The following PAQR5 variants were observed in gnomAD, a reference collection of about 807,000 sequenced individuals.
PAQR5 encodes the protein membrane progestin receptor gamma.
A neutral mutation model predicts 34.5 loss-of-function variants in PAQR5; 20 were observed. The ratio of observed to expected loss-of-function variants is 0.58; its 90% confidence interval spans 0.41 to 0.84. The LOEUF (loss-of-function observed/expected upper bound fraction) is 0.84, where lower values mean the gene tolerates loss of function less well. Ranked by LOEUF, PAQR5 falls within the 40% of genes least tolerant of loss-of-function variation. The pLI is 0.00. For synonymous variants in PAQR5, 131 were observed against 155.6 expected, an observed-to-expected ratio of 0.84 and a Z score of 1.18; for missense variants, 378 against 412.7, an observed-to-expected ratio of 0.92 and a Z score of 0.73.
intron 6 of PAQR5, 156 bp from the exon 7 acceptor site, chr15:69,397,312 G>A: frequency 1.4e-6 from 1 of 711,054 alleles, no homozygotes; most frequent in East Asian, 2.6e-5. Flanking sequence ...GGGAGGAATG[G>A]ACGAGGCTGG....
intron 5 of PAQR5, 39 bp from the exon 6 acceptor site, chr15:69,389,615 G>A (rs1376202371): frequency 1.2e-6 from 2 of 1,613,052 alleles, no homozygotes; most frequent in South Asian, 1.1e-5. Flanking sequence ...GTGGTGCCAA[G>A]GCCTGGCTCC....
intron 1 of PAQR5, among the ~76,000 whole-genome samples, chr15:69,323,920 G>T (rs1264562919): frequency 6.6e-6 from 1 of 151,968 alleles, no homozygotes; most frequent in Non-Finnish European, 1.5e-5. Flanking sequence ...ACCGTTACCT[G>T]TCAGTTACCA....
chr15:69,380,203 A>G, intron 4 of PAQR5, 193 bp downstream of exon 4: 2 of 595,552 alleles, frequency 3.4e-6, no homozygotes, highest in Non-Finnish European at 5.9e-6. Flanking sequence ...ATGACCTTTA[A>G]GGCATGGACT....
At chr15:69,400,647 T>C (rs2056598533) in intron 8 of PAQR5, among the ~76,000 whole-genome samples, 1 of 152,124 alleles carries the variant, frequency 6.6e-6, no homozygotes, top group Non-Finnish European at 1.5e-5. Context: ...TGCACTGCAC[T>C]CTAGCCTGGG....
intron 6 of PAQR5, among the ~76,000 whole-genome samples, chr15:69,396,740 C>G (rs1442944258): frequency 6.6e-6 from 1 of 152,138 alleles, no homozygotes; most frequent in Non-Finnish European, 1.5e-5. Flanking sequence ...TTCCCCATAC[C>G]CTGAGCTGCT....
rs1219749119 is a variant in PAQR5 at position 69,385,987 on chromosome 15, C to T, written c.385+1105C>T. Among the ~76,000 whole-genome samples, 4 of 151,336 alleles carry T rather than the reference C, an allele frequency of 2.6e-5. No homozygotes were observed. Among genetic ancestry groups the T allele is most frequent in the Non-Finnish European group, 5.9e-5 (4 of 67,808 alleles). On this transcript the variant is annotated intron_variant, in intron 5 of 8. Coordinates refer to ENST00000395407, the MANE Select transcript of PAQR5 (RefSeq NM_017705.4). This position sits in a 1 kb window ranked among gnomAD's most constrained non-coding sequence, Gnocchi z 4.7. ...TCTCAAACACTACACACACACACCA[C>T]CCATACTGACACACACTACACTCAC...
chr15:69,382,742 A>G (rs1439603294), intron 4 of PAQR5: 3 of 142,096 alleles, frequency 2.1e-5, no homozygotes, highest in African/African-American at 8.0e-5. Flanking sequence ...GTGTATATAT[A>G]TATGTGTGTA....
intron 2 of PAQR5, among the ~76,000 whole-genome samples, chr15:69,351,104 T>G (rs764496345): frequency 2.0e-5 from 3 of 152,200 alleles, no homozygotes; most frequent in African/African-American, 7.2e-5. Context: ...AATCCCCACA[T>G]TGCTTCCCTA....
At chr15:69,399,861 T>C in intron 7 of PAQR5, 113 bp from the exon 8 acceptor site, 1 of 1,072,718 alleles carries the variant, frequency 9.3e-7, no homozygotes, top group Non-Finnish European at 1.4e-6. Context: ...GTATGTGTGC[T>C]AACATGTGTG....
intron 2 of PAQR5, among the ~76,000 whole-genome samples, chr15:69,347,579 G>C (rs528965353): frequency 3.9e-5 from 6 of 152,230 alleles, no homozygotes; most frequent in Non-Finnish European, 7.4e-5. Context: ...CTTTCTCCCT[G>C]GTGGCCATTA....
rs1235264927 is a variant in PAQR5, at chr15:69,378,436, CAAAAAAAAA to C, written c.52-1432_52-1424del. Among the ~76,000 whole-genome samples, 372 of 52,530 alleles carry C rather than the reference CAAAAAAAAA, an allele frequency of 7.1e-3. 2 individuals carry two copies. The highest frequency in any genetic ancestry group is 0.012 in the Admixed American group (39 of 3,246). 34.5% of individuals were successfully genotyped at this position (52,530 alleles called of 152,430 possible). A position where few individuals can be genotyped will look rare whatever the true frequency, so the allele number is the denominator to read the frequency against. Reference sequence around the variant, plus strand: ...TGGGCTTCAGATCAAGACCCTGTCTCAAAAAAAAAAAAAAAAAAAAAAAGAGAGAGAGAG... The same window carrying C: ...TGGGCTTCAGATCAAGACCCTGTCTCAAAAAAAAAAAAAAGAGAGAGAGAG... On this transcript the variant is annotated intron_variant, in intron 3 of 8. Transcript: ENST00000395407.
chr15:69,374,206 T>G (rs2055640261), intron 3 of PAQR5, among the ~76,000 whole-genome samples: 2 of 152,224 alleles, frequency 1.3e-5, no homozygotes, highest in Admixed American at 6.5e-5. Flanking sequence ...TTCAGCCTAT[T>G]TAAAGTTCTA....
intron 2 of PAQR5, among the ~76,000 whole-genome samples, chr15:69,354,506 C>G (rs1025555011): frequency 6.6e-6 from 1 of 152,178 alleles, no homozygotes; most frequent in Admixed American, 6.5e-5. Flanking sequence ...TTTACCTCCT[C>G]TTCTGTGGAA....
At chr15:69,395,557 GCAT>G (rs2056399435) in intron 6 of PAQR5, among the ~76,000 whole-genome samples, 1 of 152,194 alleles carries the variant, frequency 6.6e-6, no homozygotes. Flanking sequence ...CACCTCGGGA[GCAT>G]CGTTTCATCA....
intron 6 of PAQR5, 76 bp from the exon 7 acceptor site, chr15:69,397,392 G>GTGCA (rs781084070): frequency 4.3e-6 from 4 of 920,988 alleles, no homozygotes; most frequent in Admixed American, 1.7e-5. Context: ...GGCCCTCGGT[G>GTGCA]TGCATGCATG....
intron 1 of PAQR5, among the ~76,000 whole-genome samples, chr15:69,324,161 C>G (rs1340081875): frequency 6.9e-6 from 1 of 145,868 alleles, no homozygotes; most frequent in Non-Finnish European, 1.5e-5. Context: ...AGAAAAAAGG[C>G]TCAGTACACT....
intron 8 of PAQR5, among the ~76,000 whole-genome samples, chr15:69,401,506 C>T (rs772455031): frequency 1.3e-5 from 2 of 152,202 alleles, no homozygotes; most frequent in Non-Finnish European, 2.9e-5. Context: ...ATGTCCACCT[C>T]CCCAGCCCCG....
At chr15:69,302,747 T>A (rs536607151) in intron 1 of PAQR5, among the ~76,000 whole-genome samples, 176 of 152,242 alleles carry the variant, frequency 1.2e-3, no homozygotes, top group Non-Finnish European at 2.0e-3. Flanking sequence ...GCTGAGAGAC[T>A]GACTGGGGCT....
rs180849138 is a variant in PAQR5 at position 69,374,151 on chromosome 15, G to A, written c.52-5732G>A. Among the ~76,000 whole-genome samples, 3 of 151,806 alleles carry A rather than the reference G, an allele frequency of 2.0e-5. No homozygotes were observed. The East Asian group carries it at 5.8e-4, about 30-fold the overall frequency. Reference sequence around the variant, plus strand: ...AACATCACAGCAATGTTGTAAATTGGCATTTTCTTGTAATGGTTTCATATC... The same window carrying A: ...AACATCACAGCAATGTTGTAAATTGACATTTTCTTGTAATGGTTTCATATC... On this transcript the variant is annotated intron_variant, in intron 3 of 8. Coordinates refer to ENST00000395407, the MANE Select transcript of PAQR5 (RefSeq NM_017705.4).
Sources: allele counts gnomAD v4.1 joint callset (sites outside exome capture counted in the v4.1 genomes callset), GRCh38; gene constraint gnomAD v4.1.1; non-coding constraint Gnocchi (gnomAD v3.1); transcripts MANE v1.5; gene names NCBI Gene and HGNC (gene_info 2026-07-23, HGNC 2026-07-21).